The following ZDHHC20 variants were observed in gnomAD, a reference collection of about 807,000 sequenced individuals.
ZDHHC20 encodes the protein zDHHC palmitoyltransferase 20.
ZDHHC20 carries 43 observed loss-of-function variants against 57.8 expected under a neutral mutation model. The ratio of observed to expected loss-of-function variants is 0.74; its 90% confidence interval spans 0.58 to 0.96. The LOEUF is 0.96. Among genes scored for constraint, ZDHHC20 ranks in the 40% least tolerant of loss-of-function variants. The probability of loss-of-function intolerance (pLI) is 0.00; values close to 1 mark genes in which losing one functional copy is unlikely to be tolerated. For synonymous variants in ZDHHC20, 157 were observed against 153.0 expected, an observed-to-expected ratio of 1.03 and a Z score of -0.19; for missense variants, 391 against 441.1, an observed-to-expected ratio of 0.89 and a Z score of 1.02.
At chr13:21,452,875 G>T (rs548524573) in intron 1 of ZDHHC20, among the ~76,000 whole-genome samples, 112 of 152,140 alleles carry the variant, frequency 7.4e-4, no homozygotes, top group African/African-American at 2.5e-3. Context: ...TAAAAAAATT[G>T]TAAAGATCAA....
intron 1 of ZDHHC20, among the ~76,000 whole-genome samples, chr13:21,437,022 T>C (rs537344312): frequency 6.6e-6 from 1 of 152,266 alleles, no homozygotes; most frequent in East Asian, 1.9e-4. Flanking sequence ...AGTGAATAGA[T>C]GAATAAGAAA....
chr13:21,387,806 G>GA (rs1239634111), intron 8 of ZDHHC20, among the ~76,000 whole-genome samples, 172 bp from the exon 9 acceptor site: 1 of 151,566 alleles, frequency 6.6e-6, no homozygotes, highest in East Asian at 1.9e-4. Flanking sequence ...CTTATTTTGG[G>GA]AAAAAATAGC....
At chr13:21,456,027 T>C (rs1274400618) in intron 1 of ZDHHC20, among the ~76,000 whole-genome samples, 1 of 152,210 alleles carries the variant, frequency 6.6e-6, no homozygotes, top group African/African-American at 2.4e-5. Flanking sequence ...GGGATCATTA[T>C]TAAGATTAAA....
At chr13:21,403,709 A>T (rs969332473) in intron 4 of ZDHHC20, among the ~76,000 whole-genome samples, 2 of 152,110 alleles carry the variant, frequency 1.3e-5, no homozygotes, top group African/African-American at 4.8e-5. Flanking sequence ...TTTTTCTGGG[A>T]CGGAGTGTCG....
intron 4 of ZDHHC20, among the ~76,000 whole-genome samples, chr13:21,410,352 T>C (rs1879036880): frequency 6.6e-6 from 1 of 152,202 alleles, no homozygotes; most frequent in Non-Finnish European, 1.5e-5. Flanking sequence ...GGGACCTACT[T>C]GAGGCAGTCT....
At chr13:21,401,608 T>C (rs1409574253) in intron 6 of ZDHHC20, 45 bp downstream of exon 6, 13 of 1,516,872 alleles carry the variant, frequency 8.6e-6, no homozygotes, top group Middle Eastern at 3.4e-4. Flanking sequence ...CTCTAAATTC[T>C]CTCTCTCACC....
chr13:21,431,495 A>G (rs1881943313), intron 1 of ZDHHC20, among the ~76,000 whole-genome samples: 1 of 149,214 alleles, frequency 6.7e-6, no homozygotes, highest in African/African-American at 2.5e-5. Flanking sequence ...ATATCTAAAA[A>G]TGGGATTGCT....
At chr13:21,391,596 T>C in intron 8 of ZDHHC20, 126 bp downstream of exon 8, 1 of 1,050,004 alleles carries the variant, frequency 9.5e-7, no homozygotes, top group Non-Finnish European at 1.3e-6. Context: ...ATTAGGCACG[T>C]GCCACCAATT....
At chr13:21,398,171 CAT>C (rs1017602848) in intron 7 of ZDHHC20, among the ~76,000 whole-genome samples, 10 of 151,982 alleles carry the variant, frequency 6.6e-5, no homozygotes, top group African/African-American at 2.4e-4. Context: ...GACTAAGAAA[CAT>C]AAACAAACAG....
intron 1 of ZDHHC20, among the ~76,000 whole-genome samples, chr13:21,444,639 A>G (rs1225097414): frequency 6.6e-6 from 1 of 152,198 alleles, no homozygotes; most frequent in African/African-American, 2.4e-5. Context: ...TTATAAATAC[A>G]AACAGCCAGT....
chr13:21,410,143 T>A (rs749374137), intron 4 of ZDHHC20, among the ~76,000 whole-genome samples: 3 of 152,210 alleles, frequency 2.0e-5, no homozygotes, highest in Non-Finnish European at 4.4e-5. Flanking sequence ...GTCAGGCCCC[T>A]CTTCTGCAGA....
At chr13:21,403,348 C>A (rs541697174) in intron 4 of ZDHHC20, among the ~76,000 whole-genome samples, 1 of 150,048 alleles carries the variant, frequency 6.7e-6, no homozygotes, top group East Asian at 2.0e-4. Context: ...AACAATAAAA[C>A]TGGGAATGCA....
chr13:21,376,618 G>A lies in ZDHHC20; in HGVS notation c.*78C>T. ...TTCCACTGATCATTTTCTTGCAAAT[G>A]AAAATTGAAAATACCAGTCTATAAT... On this transcript the variant is annotated 3_prime_UTR_variant, in exon 13 of 13. Coordinates refer to ENST00000400590, the MANE Select transcript of ZDHHC20 (RefSeq NM_001330059.2). 7.3e-7 allele frequency: 1 copy of A among 1,374,980 alleles called. No homozygotes were observed. Among genetic ancestry groups the A allele is most frequent in the South Asian group, 1.4e-5 (1 of 70,974 alleles). 85.2% of individuals were successfully genotyped at this position (1,374,980 alleles called of 1,614,324 possible).
chr13:21,421,626 G>C (rs759256415), intron 2 of ZDHHC20, among the ~76,000 whole-genome samples: 1 of 152,100 alleles, frequency 6.6e-6, no homozygotes, highest in Non-Finnish European at 1.5e-5. Flanking sequence ...GTATTGTTCA[G>C]AAAAAGTGAC....
At chr13:21,378,984 A>T (rs182326058) in intron 11 of ZDHHC20, among the ~76,000 whole-genome samples, 1 of 152,336 alleles carries the variant, frequency 6.6e-6, no homozygotes, top group African/African-American at 2.4e-5. Flanking sequence ...GTTAAACAGC[A>T]ATAATTAAGA....
chr13:21,448,381 C>A (rs1215716316), intron 1 of ZDHHC20, among the ~76,000 whole-genome samples: 1 of 118,152 alleles, frequency 8.5e-6, no homozygotes, highest in South Asian at 2.8e-4. Flanking sequence ...GGGTCAGCCC[C>A]CCGCCCGGCC....
chr13:21,414,733 G>A (rs892488780), intron 3 of ZDHHC20, among the ~76,000 whole-genome samples: 10 of 151,560 alleles, frequency 6.6e-5, no homozygotes, highest in Admixed American at 3.9e-4. Context: ...CCTCTGGTTC[G>A]TTTCTCTTAA....
intron 9 of ZDHHC20, among the ~76,000 whole-genome samples, chr13:21,387,008 A>G (rs996840457): frequency 2.6e-5 from 4 of 152,170 alleles, no homozygotes; most frequent in African/African-American, 9.7e-5. Context: ...CTTCTTTTTG[A>G]TGACTTTGGT....
chr13:21,417,118 T>C (rs1241686279), intron 3 of ZDHHC20, among the ~76,000 whole-genome samples: 1 of 152,194 alleles, frequency 6.6e-6, no homozygotes, highest in Non-Finnish European at 1.5e-5. Flanking sequence ...TCAAAAAGCT[T>C]AGTGGAAGAG....
Sources: gnomAD v4.1 joint callset for allele counts (sites outside exome capture counted in the v4.1 genomes callset) on GRCh38, gnomAD v4.1.1 for gene constraint, MANE v1.5 for transcripts, NCBI Gene and HGNC (gene_info 2026-07-23, HGNC 2026-07-21) for gene names.